The following TMPRSS15 variants were observed in gnomAD, a reference collection of about 807,000 sequenced individuals.
TMPRSS15 encodes the protein transmembrane serine protease 15, also known as enteropeptidase.
TMPRSS15 carries 128 observed loss-of-function variants against 125.3 expected under a neutral mutation model. That is an observed-to-expected ratio of 1.02 (90% confidence interval 0.89 to 1.18). The LOEUF (loss-of-function observed/expected upper bound fraction) is 1.18. TMPRSS15 is among the 50% of genes most tolerant of loss of function. TMPRSS15 has a pLI of 0.00. For synonymous variants in TMPRSS15, 446 were observed against 423.2 expected (o/e 1.05, Z -0.66); for missense variants, 1,283 against 1,212.7 (o/e 1.06, Z -0.86).
At chr21:18,435,173 T>A (rs2076225133) in intron 1 of TMPRSS15, among the ~76,000 whole-genome samples, 1 of 152,184 alleles carries the variant, frequency 6.6e-6, no homozygotes. Context: ...CTATGTTGAA[T>A]AGGAGTGGTG....
chr21:18,413,942 A>T (rs1222617386), intron 1 of TMPRSS15, among the ~76,000 whole-genome samples: 1 of 152,136 alleles, frequency 6.6e-6, no homozygotes, highest in African/African-American at 2.4e-5. Flanking sequence ...TTAAAAAAAT[A>T]ATTAAAATAA....
intron 3 of TMPRSS15, among the ~76,000 whole-genome samples, chr21:18,394,619 T>C (rs1308727790): frequency 2.6e-5 from 4 of 151,226 alleles, no homozygotes; most frequent in African/African-American, 9.8e-5. Flanking sequence ...GATGTATCCA[T>C]GAACCATATA....
At chr21:18,365,625 T>TC (rs1491209802) in intron 6 of TMPRSS15, among the ~76,000 whole-genome samples, 4 of 13,232 alleles carry the variant, frequency 3.0e-4, no homozygotes, top group Non-Finnish European at 2.9e-4. Flanking sequence ...TCTCTCTTTC[T>TC]TTCTCTTTCT....
At chr21:18,352,873 C>A (rs368171852) in intron 10 of TMPRSS15, 30 bp downstream of exon 10, 269 of 1,608,146 alleles carry the variant, frequency 1.7e-4, no homozygotes, top group Non-Finnish European at 2.1e-4. Context: ...AATTAAAATC[C>A]TTTTGACTTC....
intron 5 of TMPRSS15, among the ~76,000 whole-genome samples, chr21:18,375,878 A>G (rs1222784912): frequency 6.6e-6 from 1 of 152,194 alleles, no homozygotes; most frequent in East Asian, 1.9e-4. Flanking sequence ...CATCATGGAG[A>G]GTAAAAAGAC....
intron 4 of TMPRSS15, among the ~76,000 whole-genome samples, chr21:18,379,764 G>C (rs182290292): frequency 6.6e-6 from 1 of 152,050 alleles, no homozygotes; most frequent in African/African-American, 2.4e-5. Flanking sequence ...GTGTGACCCT[G>C]GGCATGTTAC....
chr21:18,428,074 C>A (rs2076207363), intron 1 of TMPRSS15, among the ~76,000 whole-genome samples: 1 of 152,168 alleles, frequency 6.6e-6, no homozygotes, highest in African/African-American at 2.4e-5. Flanking sequence ...CTTCTTTTCA[C>A]TAATCTCCTG....
chr21:18,347,292 G>A lies in TMPRSS15; in HGVS notation c.1172-3232C>T, dbSNP rs138149767. 4.6e-5 allele frequency among the ~76,000 whole-genome samples: 7 copies of A among 151,980 alleles called. No homozygotes were observed. In the East Asian group the frequency reaches 5.8e-4, roughly 13 times the overall value. On this transcript the variant is annotated intron_variant, in intron 10 of 24. Coordinates refer to ENST00000284885, the MANE Select transcript of TMPRSS15 (RefSeq NM_002772.3). ...CACTCCATCATTCAGGCTGGAGTGC[G>A]GTAGCCAATCTTGGTTCATTGCAAC...
At position 18,282,031 on chromosome 21, in the gene TMPRSS15, G is replaced by A. The variant is rs560520027; in HGVS notation, c.2487-810C>T. Among the ~76,000 whole-genome samples, 11 of 144,902 alleles carry A rather than the reference G, an allele frequency of 7.6e-5. No individual in the cohort carries two copies. In the South Asian group the frequency reaches 1.1e-3, roughly 14 times the overall value. On this transcript the variant is annotated intron_variant, in intron 21 of 24. Coordinates refer to ENST00000284885, the MANE Select transcript of TMPRSS15 (RefSeq NM_002772.3). Reference sequence around the variant, plus strand: ...GAGAATGGCGTGAACCCGGGGGGCGGAGCTTGCAGTGAGCCGAGATTGCGC... The same window carrying A: ...GAGAATGGCGTGAACCCGGGGGGCGAAGCTTGCAGTGAGCCGAGATTGCGC...
At chr21:18,330,712 A>T (rs2075335692) in intron 14 of TMPRSS15, among the ~76,000 whole-genome samples, 1 of 152,272 alleles carries the variant, frequency 6.6e-6, no homozygotes, top group Non-Finnish European at 1.5e-5. Flanking sequence ...AAATTTCTCC[A>T]AATTGTTTAA....
At chr21:18,328,940 T>C (rs1402028108) in intron 15 of TMPRSS15, among the ~76,000 whole-genome samples, 1 of 152,132 alleles carries the variant, frequency 6.6e-6, no homozygotes, top group Non-Finnish European at 1.5e-5. Flanking sequence ...ATTTAAAAAG[T>C]AAAAATAATT....
chr21:18,298,462 G>A (rs1247969437), intron 18 of TMPRSS15, among the ~76,000 whole-genome samples: 1 of 152,194 alleles, frequency 6.6e-6, no homozygotes, highest in African/African-American at 2.4e-5. Context: ...ACCACAGGGT[G>A]GAGAGAGACA....
At chr21:18,383,606 T>A (rs1601419477) in intron 4 of TMPRSS15, 21 bp downstream of exon 4, 1 of 1,612,230 alleles carries the variant, frequency 6.2e-7, no homozygotes, top group Non-Finnish European at 8.5e-7. Flanking sequence ...TTCAAAGAAA[T>A]CAAATAATGT....
chr21:18,385,972 T>C (rs982223645), intron 3 of TMPRSS15, among the ~76,000 whole-genome samples: 44 of 152,258 alleles, frequency 2.9e-4, no homozygotes, highest in Middle Eastern at 3.4e-3. Flanking sequence ...CTCGATCTCC[T>C]GACCTCATGA....
At chr21:18,290,795 TAA>T (rs2074824391) in intron 21 of TMPRSS15, among the ~76,000 whole-genome samples, 1 of 151,522 alleles carries the variant, frequency 6.6e-6, no homozygotes, top group Non-Finnish European at 1.5e-5. Context: ...TCTGAGTACT[TAA>T]GAGTATAAAA....
At chr21:18,451,742 A>G (rs1241646453) in intron 1 of TMPRSS15, among the ~76,000 whole-genome samples, 1 of 152,112 alleles carries the variant, frequency 6.6e-6, no homozygotes, top group Non-Finnish European at 1.5e-5. Flanking sequence ...TGTTTTCTAT[A>G]CTTTCCTGGT....
At chr21:18,284,774 G>T (rs1333097777) in intron 21 of TMPRSS15, among the ~76,000 whole-genome samples, 1 of 152,116 alleles carries the variant, frequency 6.6e-6, no homozygotes, top group Admixed American at 6.5e-5. Context: ...GCCGAGGCAG[G>T]TGGATCACCT....
rs781534787 is a variant in TMPRSS15 at position 18,359,819 on chromosome 21, T to C, written c.818A>G (p.Asn273Ser). 1 of 1,538,518 alleles carries C rather than the reference T, an allele frequency of 6.5e-7. No individual in the cohort carries two copies. Among genetic ancestry groups the C allele is most frequent in the African/African-American group, 1.4e-5 (1 of 73,390 alleles). ...LSIKLSFDDFNTYYTDILDIY... is the reference protein window; with the variant it reads ...LSIKLSFDDFSTYYTDILDIY... Reference sequence around the variant, plus strand: ...ATCTAATATATCTGTATAATATGTATTAAAATCATCGAAGCTCAGTTTAAT... The same window carrying C: ...ATCTAATATATCTGTATAATATGTACTAAAATCATCGAAGCTCAGTTTAAT... Residue 273 changes from asparagine to serine, a missense_variant, in exon 8 of 25, where the codon AAT becomes AGT. Coordinates refer to ENST00000284885, the MANE Select transcript of TMPRSS15 (RefSeq NM_002772.3).
At chr21:18,363,394 G>T (rs1002579493) in intron 7 of TMPRSS15, among the ~76,000 whole-genome samples, 2 of 152,010 alleles carry the variant, frequency 1.3e-5, no homozygotes, top group Non-Finnish European at 2.9e-5. Flanking sequence ...TTGCGTAAAG[G>T]ACATTATCAT....
Sources: allele counts gnomAD v4.1 joint callset (sites outside exome capture counted in the v4.1 genomes callset), GRCh38; gene constraint gnomAD v4.1.1; transcripts MANE v1.5; gene names NCBI Gene and HGNC (gene_info 2026-07-23, HGNC 2026-07-21).